The following KCNQ1 variants were observed in gnomAD, a reference collection of about 807,000 sequenced individuals.
KCNQ1 encodes potassium voltage-gated channel subfamily KQT member 1.
Under a neutral mutation model 72.4 loss-of-function variants are expected in KCNQ1, and 49 were observed. That is an observed-to-expected ratio of 0.68 (90% CI 0.54 to 0.86). The LOEUF is 0.86. Ranked by LOEUF, KCNQ1 falls within the 40% of genes least tolerant of loss-of-function variation. The pLI is 0.00. For synonymous variants in KCNQ1, 450 were observed against 412.6 expected (o/e 1.09, Z -1.10); for missense variants, 790 against 945.1 (o/e 0.84, Z 2.15).
intron 13 of KCNQ1, 42 bp from the exon 14 acceptor site, chr11:2,776,944 C>G: frequency 6.3e-7 from 1 of 1,599,396 alleles, no homozygotes; most frequent in Non-Finnish European, 8.6e-7. Context: ...CTGCGCAGTG[C>G]CAGGGCCAGG....
At chr11:2,831,827 A>C (rs1590117398) in intron 15 of KCNQ1, among the ~76,000 whole-genome samples, 1 of 142,176 alleles carries the variant, frequency 7.0e-6, no homozygotes, top group Non-Finnish European at 1.5e-5. Context: ...CATGACCCCC[A>C]GTGATTTCAC....
chr11:2,660,055 T>C (rs1003063928), intron 10 of KCNQ1: 3 of 398,464 alleles, frequency 7.5e-6, no homozygotes, highest in East Asian at 3.6e-5. Context: ...TAAAGTCCAA[T>C]TTGTTGATTC....
At chr11:2,574,333 G>A (rs370904154) in intron 6 of KCNQ1, among the ~76,000 whole-genome samples, 48 of 152,264 alleles carry the variant, frequency 3.2e-4, no homozygotes, top group African/African-American at 9.6e-4. Context: ...CTTGTCTACC[G>A]ACCTCCGGGC....
At position 2,620,134 on chromosome 11, in the gene KCNQ1, A is replaced by T. The variant is rs1263685928; in HGVS notation, c.1393+31280A>T. ...GTATTTGGTTTTCTGTTCCTGCATT[A>T]ATTTGCTTAAGATAGTGGCCTCTAG... is the stretch of plus-strand genomic sequence containing the variant. On this transcript the variant is annotated intron_variant, in intron 10 of 15. Transcript: ENST00000155840. The surrounding 1 kb of genome is among the most constrained non-coding windows in gnomAD (Gnocchi z 4.5). 1 of 397,538 alleles carries T rather than the reference A, an allele frequency of 2.5e-6. No homozygotes were observed. Among genetic ancestry groups the T allele is most frequent in the East Asian group, 3.6e-5 (1 of 28,046 alleles). 24.6% of individuals were successfully genotyped at this position (397,538 alleles called of 1,614,324 possible). A position where few individuals can be genotyped will look rare whatever the true frequency, so the allele number is the denominator to read the frequency against.
rs1021019407 is a variant in KCNQ1, at chr11:2,559,714, G to A, written c.478-10914G>A. Among the ~76,000 whole-genome samples, 8 of 152,174 alleles carry A rather than the reference G, an allele frequency of 5.3e-5. No individual in the cohort carries two copies. The highest frequency in any genetic ancestry group is 1.9e-4 in the East Asian group (1 of 5,168). On this transcript the variant is annotated intron_variant, in intron 2 of 15. Transcript: ENST00000155840. This position sits in a 1 kb window ranked among gnomAD's most constrained non-coding sequence, Gnocchi z 4.9. ...GCCTCGTGCCTCCCAGAGTCACCCC[G>A]AAATCATTAACGGGGAGACAAGCAC...
rs905932760 is a variant in KCNQ1 at position 2,725,295 on chromosome 11, C to T, written c.1515-43549C>T. ...AACACTCCAGGGTCGGGGGCTCAGC[C>T]ACGGGACCAGCGCTTGCCAGAAATG... On this transcript the variant is annotated intron_variant, in intron 11 of 15. Coordinates refer to ENST00000155840, the MANE Select transcript of KCNQ1 (RefSeq NM_000218.3). The surrounding 1 kb of genome is among the most constrained non-coding windows in gnomAD (Gnocchi z 7.2). 2.6e-4 allele frequency among the ~76,000 whole-genome samples: 39 copies of T among 152,184 alleles called. No individual in the cohort carries two copies. The highest frequency in any genetic ancestry group is 9.4e-4 in the African/African-American group (39 of 41,446).
chr11:2,458,894 A>G lies in KCNQ1; in HGVS notation c.386+13410A>G, dbSNP rs897263411. On this transcript the variant is annotated intron_variant, in intron 1 of 15. Coordinates refer to ENST00000155840, the MANE Select transcript of KCNQ1 (RefSeq NM_000218.3). This position sits in a 1 kb window ranked among gnomAD's most constrained non-coding sequence, Gnocchi z 4.6. ...GGAGGAAAGAATCACCTATCCACCA[A>G]TTGTGACATATGGCCTTAGTTAGGT... 6.6e-6 allele frequency among the ~76,000 whole-genome samples: 1 copy of G among 152,228 alleles called. No homozygotes were observed. The highest frequency in any genetic ancestry group is 2.4e-5 in the African/African-American group (1 of 41,458).
rs1383035176 is a variant in KCNQ1, at chr11:2,620,211, A to ATATATAT, written c.1393+31358_1393+31359insATATATT. The ATATATAT allele has an allele frequency of 4.0e-4, 106 of 261,952 alleles. No homozygotes were observed. Among genetic ancestry groups the ATATATAT allele is most frequent in the African/African-American group, 7.1e-4 (27 of 38,116 alleles). The allele number at this position is 261,952 out of a possible 1,614,324, so 16.2% of individuals were successfully genotyped here. A position where few individuals can be genotyped will look rare whatever the true frequency, so the allele number is the denominator to read the frequency against. On this transcript the variant is annotated intron_variant, in intron 10 of 15. Transcript: ENST00000155840. The surrounding 1 kb of genome is among the most constrained non-coding windows in gnomAD (Gnocchi z 4.5). Reference sequence around the variant, plus strand: ...TAAGTTCATTCATGTATATATATATATTTTTTTTTTTTATTTTTTTTTTAG... The same window carrying ATATATAT: ...TAAGTTCATTCATGTATATATATATATATATATTTTTTTTTTTTTATTTTTTTTTTAG...
chr11:2,457,771 C>T lies in KCNQ1; in HGVS notation c.386+12287C>T, dbSNP rs1296685485. Among the ~76,000 whole-genome samples, 5 of 150,680 alleles carry T rather than the reference C, an allele frequency of 3.3e-5. No individual in the cohort carries two copies. The East Asian group carries it at 5.9e-4, about 18-fold the overall frequency. On this transcript the variant is annotated intron_variant, in intron 1 of 15. Coordinates refer to ENST00000155840, the MANE Select transcript of KCNQ1 (RefSeq NM_000218.3). The surrounding 1 kb of genome is among the most constrained non-coding windows in gnomAD (Gnocchi z 5.0). ...CAAACCTGCACTTGTACCTCCTGAACCTATTAAAAAAGTTGAATAAAATGG... is the reference window on the plus strand; with the variant it reads ...CAAACCTGCACTTGTACCTCCTGAATCTATTAAAAAAGTTGAATAAAATGG...
intron 1 of KCNQ1, among the ~76,000 whole-genome samples, chr11:2,525,376 G>A (rs1847480447): frequency 6.6e-6 from 1 of 152,240 alleles, no homozygotes; most frequent in African/African-American, 2.4e-5. Flanking sequence ...AGCTGTGTCT[G>A]TTGAACAAAT....
At chr11:2,575,503 G>C (rs751165532) in intron 6 of KCNQ1, among the ~76,000 whole-genome samples, 3 of 152,212 alleles carry the variant, frequency 2.0e-5, no homozygotes, top group Non-Finnish European at 4.4e-5. Context: ...CTTGAGAAAC[G>C]CAAGAAGGGG....
rs1441027612 is a variant in KCNQ1, at chr11:2,748,894, C to G, written c.1515-19950C>G. 6.6e-6 allele frequency among the ~76,000 whole-genome samples: 1 copy of G among 152,218 alleles called. No individual in the cohort carries two copies. On this transcript the variant is annotated intron_variant, in intron 11 of 15. Transcript: ENST00000155840. This position sits in a 1 kb window ranked among gnomAD's most constrained non-coding sequence, Gnocchi z 6.2. ...GGGGCAGCCCCAGACCTCCAGAGTG[C>G]CCTCTTCCCCTCTTTGCGGTTGTCA...
intron 10 of KCNQ1, chr11:2,614,598 A>C (rs1001921143): frequency 2.8e-5 from 11 of 398,350 alleles, no homozygotes; most frequent in African/African-American, 2.3e-4. Flanking sequence ...TTGATATATG[A>C]GGATCCAGTT....
At position 2,511,525 on chromosome 11, in the gene KCNQ1, C is replaced by T. The variant is rs551822723; in HGVS notation, c.387-16403C>T. Among the ~76,000 whole-genome samples the T allele has an allele frequency of 3.1e-4, 47 of 152,262 alleles. No individual in the cohort carries two copies. The South Asian group carries it at 4.3e-3, about 14-fold the overall frequency. ...ATGACTAGTGGTTTGTGGCAGGTGA[C>T]GGGTGAGTGGTCTCCATGCTCCCAG... On this transcript the variant is annotated intron_variant, in intron 1 of 15. Transcript: ENST00000155840.
intron 3 of KCNQ1, 62 bp downstream of exon 3, chr11:2,570,816 C>T: frequency 2.5e-6 from 4 of 1,598,354 alleles, no homozygotes; most frequent in Non-Finnish European, 3.4e-6. Flanking sequence ...GGACCCCCAC[C>T]TCATGACCCC....
intron 11 of KCNQ1, chr11:2,694,088 T>G (rs573608139): frequency 1.3e-5 from 5 of 398,666 alleles, no homozygotes; most frequent in South Asian, 2.5e-4. Context: ...ACTAAACCTC[T>G]GGGTGGCAGC....
In KCNQ1 at chr11:2,563,568, G is replaced by A. The variant is rs1056836015; in HGVS notation, c.478-7060G>A. ...GATTTCCCCTGGGTTGAGGTTGAGG[G>A]TCCCAGGGTCTGTCTGCCTAATGAC... On this transcript the variant is annotated intron_variant, in intron 2 of 15. Transcript: ENST00000155840. The surrounding 1 kb of genome is among the most constrained non-coding windows in gnomAD (Gnocchi z 7.4). Among the ~76,000 whole-genome samples, 2 of 152,170 alleles carry A rather than the reference G, an allele frequency of 1.3e-5. No homozygotes were observed. Among genetic ancestry groups the A allele is most frequent in the African/African-American group, 4.8e-5 (2 of 41,426 alleles).
chr11:2,667,759 G>A lies in KCNQ1; in HGVS notation c.1514+5678G>A, dbSNP rs184756800. 1.2e-3 allele frequency: 484 copies of A among 398,700 alleles called. No individual in the cohort carries two copies. Among genetic ancestry groups the A allele is most frequent in the African/African-American group, 8.9e-3 (432 of 48,754 alleles). 24.7% of individuals were successfully genotyped at this position (398,700 alleles called of 1,614,324 possible). ...GGAGTGGGATGGGGCTGGGCCTAGC[G>A]GCCCTGAAGGCCAGGGCTATCCACC... On this transcript the variant is annotated intron_variant, in intron 11 of 15. Coordinates refer to ENST00000155840, the MANE Select transcript of KCNQ1 (RefSeq NM_000218.3).
intron 11 of KCNQ1, among the ~76,000 whole-genome samples, chr11:2,761,710 A>T (rs2133974360): frequency 6.6e-6 from 1 of 152,318 alleles, no homozygotes; most frequent in South Asian, 2.1e-4. Flanking sequence ...CACAGGGTGG[A>T]CTGTGTTCAG....
Sources: gnomAD v4.1 joint callset for allele counts (sites outside exome capture counted in the v4.1 genomes callset) on GRCh38, gnomAD v4.1.1 for gene constraint, Gnocchi (gnomAD v3.1) non-coding constraint, MANE v1.5 for transcripts, NCBI Gene and HGNC (gene_info 2026-07-23, HGNC 2026-07-21) for gene names.